Variants in RAB2A observed in about 807,000 individuals in gnomAD.
RAB2A encodes the protein RAB2A, member RAS oncogene family.
RAB2A carries 7 observed loss-of-function variants against 32.5 expected under a neutral mutation model. That is an observed-to-expected ratio of 0.22 (90% CI 0.12 to 0.40). The LOEUF (loss-of-function observed/expected upper bound fraction) is 0.40. Among genes scored for constraint, RAB2A ranks in the 10% least tolerant of loss-of-function variants. The pLI is 1.00. For synonymous variants in RAB2A, 79 were observed against 85.2 expected (o/e 0.93, Z 0.40); for missense variants, 108 against 260.7 (o/e 0.41, Z 4.03).
At chr8:60,612,836 G>A (rs669599) in intron 6 of RAB2A, among the ~76,000 whole-genome samples, 58,845 of 152,004 alleles carry the variant, frequency 0.39, 11,496 homozygotes, top group East Asian at 0.55. Context: ...ATAGAAAGAG[G>A]CGGGGAAGAG....
intron 3 of RAB2A, 151 bp from the exon 4 acceptor site, chr8:60,584,057 T>C: frequency 1.6e-6 from 1 of 628,568 alleles, no homozygotes; most frequent in East Asian, 2.8e-5. Flanking sequence ...AGCGGTGTTT[T>C]GTAACTTTTT....
chr8:60,621,065 A>G lies in RAB2A; in HGVS notation c.*296A>G, dbSNP rs1340484321. ...CGAACTGAATTGTATTAAACACTAC[A>G]AAGTCATCTTGAGTATTTTAAATCG... is the stretch of plus-strand genomic sequence containing the variant. On this transcript the variant is annotated 3_prime_UTR_variant, in exon 8 of 8. Coordinates refer to ENST00000262646, the MANE Select transcript of RAB2A (RefSeq NM_002865.3). 3.9e-6 allele frequency: 1 copy of G among 258,268 alleles called. No homozygotes were observed. The highest frequency in any genetic ancestry group is 7.4e-6 in the Non-Finnish European group (1 of 135,080). The allele number at this position is 258,268 out of a possible 1,614,324, so 16.0% of individuals were successfully genotyped here.
At chr8:60,592,259 T>G (rs1033638977) in intron 6 of RAB2A, 1 of 211,452 alleles carries the variant, frequency 4.7e-6, no homozygotes, top group Non-Finnish European at 9.7e-6. Context: ...TTTAATCACA[T>G]TCATAGAAAG....
intron 3 of RAB2A, 110 bp from the exon 4 acceptor site, chr8:60,584,098 C>G: frequency 1.2e-6 from 1 of 849,754 alleles, no homozygotes; most frequent in South Asian, 1.5e-5. Flanking sequence ...GTTTTCTTGT[C>G]TCTCTTTATG....
chr8:60,523,069 G>A (rs1222105623), intron 1 of RAB2A, among the ~76,000 whole-genome samples: 1 of 151,988 alleles, frequency 6.6e-6, no homozygotes, highest in African/African-American at 2.4e-5. Flanking sequence ...GATGTAGCAT[G>A]CATATAAAAG....
At chr8:60,548,949 C>T (rs1255924845) in intron 1 of RAB2A, among the ~76,000 whole-genome samples, 1 of 150,896 alleles carries the variant, frequency 6.6e-6, no homozygotes, top group Non-Finnish European at 1.5e-5. Flanking sequence ...CAGAGGGTCT[C>T]CTCACTTCTC....
intron 3 of RAB2A, among the ~76,000 whole-genome samples, chr8:60,576,865 A>C (rs931001895): frequency 6.6e-6 from 1 of 152,090 alleles, no homozygotes; most frequent in South Asian, 2.1e-4. Context: ...TAGAGCTCCA[A>C]CTGTTCTTCC....
intron 1 of RAB2A, among the ~76,000 whole-genome samples, chr8:60,526,017 G>GTATA (rs1312469468): frequency 3.0e-4 from 22 of 74,194 alleles, no homozygotes; most frequent in African/African-American, 5.4e-4. Context: ...ATGTGTGTGT[G>GTATA]TACATATATA....
intron 1 of RAB2A, among the ~76,000 whole-genome samples, chr8:60,544,988 G>A (rs923203801): frequency 2.1e-4 from 31 of 150,954 alleles, no homozygotes; most frequent in Non-Finnish European, 3.7e-4. Context: ...CAAGCAGTCC[G>A]CCTGCCACGG....
chr8:60,574,022 C>T (rs570221139), intron 3 of RAB2A, among the ~76,000 whole-genome samples: 26 of 152,372 alleles, frequency 1.7e-4, no homozygotes, highest in African/African-American at 6.3e-4. Context: ...TTGTGTAACA[C>T]ACATCTTTGC....
At chr8:60,534,667 G>A (rs928950163) in intron 1 of RAB2A, among the ~76,000 whole-genome samples, 22 of 152,264 alleles carry the variant, frequency 1.4e-4, no homozygotes, top group African/African-American at 5.3e-4. Context: ...TTTATACCAG[G>A]AGTGATGTAC....
intron 7 of RAB2A, among the ~76,000 whole-genome samples, chr8:60,619,397 A>G (rs1804496360): frequency 6.6e-6 from 1 of 152,200 alleles, no homozygotes; most frequent in Admixed American, 6.5e-5. Flanking sequence ...GGCTTCTGAA[A>G]GAAAAGCCCT....
At chr8:60,608,023 A>C (rs577014825) in intron 6 of RAB2A, among the ~76,000 whole-genome samples, 20 of 152,320 alleles carry the variant, frequency 1.3e-4, no homozygotes, top group Admixed American at 5.9e-4. Flanking sequence ...CTGTCTTCAT[A>C]GTCTGACTTC....
chr8:60,620,791 G>T lies in RAB2A; in HGVS notation c.*22G>T, dbSNP rs1443980067. 1 of 1,595,326 alleles carries T rather than the reference G, an allele frequency of 6.3e-7. No homozygotes were observed. Among genetic ancestry groups the T allele is most frequent in the African/African-American group, 1.3e-5 (1 of 74,156 alleles). On this transcript the variant is annotated 3_prime_UTR_variant, in exon 8 of 8. Coordinates refer to ENST00000262646, the MANE Select transcript of RAB2A (RefSeq NM_002865.3). ...TTGAGTCTGTTTTTACTGTCTAGCT[G>T]CCCAACGGGGCCTACTCACTTATTC...
intron 1 of RAB2A, among the ~76,000 whole-genome samples, chr8:60,540,781 C>T (rs1411610652): frequency 6.6e-6 from 1 of 152,026 alleles, no homozygotes; most frequent in African/African-American, 2.4e-5. Flanking sequence ...CGTGCCCAGC[C>T]CATTTTTTTT....
chr8:60,550,567 T>C (rs565492519), intron 1 of RAB2A, among the ~76,000 whole-genome samples: 1 of 152,094 alleles, frequency 6.6e-6, no homozygotes, highest in Admixed American at 6.5e-5. Context: ...GTATTTTTTT[T>C]GTAGAGACAG....
At chr8:60,619,728 T>C (rs1804500332) in intron 7 of RAB2A, among the ~76,000 whole-genome samples, 1 of 152,218 alleles carries the variant, frequency 6.6e-6, no homozygotes, top group African/African-American at 2.4e-5. Context: ...ATTGTTTCTG[T>C]CTGGTTTCAT....
intron 6 of RAB2A, among the ~76,000 whole-genome samples, chr8:60,608,535 C>CCTCTTCTTCCT (rs1563486092): frequency 1.5e-5 from 2 of 132,160 alleles, no homozygotes; most frequent in African/African-American, 7.2e-5. Context: ...CTCTCCTTCT[C>CCTCTTCTTCCT]CTCCTTCTCT....
In RAB2A at chr8:60,559,929, A is replaced by G. The variant is rs117187662; in HGVS notation, c.118+1006A>G. 9.0e-3 allele frequency among the ~76,000 whole-genome samples: 1,378 copies of G among 152,324 alleles called. 7 individuals carry two copies. Among genetic ancestry groups the G allele is most frequent in the Non-Finnish European group, 0.013 (873 of 68,030 alleles). ...ATTATTAATTAATAGTTTTCAACCA[A>G]GCTACAGGTATAGTACTTTGTGGAT... On this transcript the variant is annotated intron_variant, in intron 2 of 7. Coordinates refer to ENST00000262646, the MANE Select transcript of RAB2A (RefSeq NM_002865.3).
Sources: allele counts gnomAD v4.1 joint callset (sites outside exome capture counted in the v4.1 genomes callset), GRCh38; gene constraint gnomAD v4.1.1; transcripts MANE v1.5; gene names NCBI Gene and HGNC (gene_info 2026-07-23, HGNC 2026-07-21).